The following IL3RA variants were observed in gnomAD, a reference collection of about 807,000 sequenced individuals.
The protein encoded by IL3RA is interleukin-3 receptor subunit alpha.
Under a neutral mutation model 52.3 loss-of-function variants are expected in IL3RA, and 73 were observed. The ratio of observed to expected loss-of-function variants is 1.40; its 90% CI spans 1.16 to 1.70. The LOEUF is 1.70. Among genes scored for constraint, IL3RA ranks in the 40% most tolerant of loss-of-function variants. The pLI is 0.00. For synonymous variants in IL3RA, 260 were observed against 194.0 expected (o/e 1.34, Z -2.83); for missense variants, 664 against 504.4 (o/e 1.32, Z -3.03).
At position 1,381,077 on chromosome X, in the gene IL3RA, C is replaced by T. The variant is rs201211678; in HGVS notation, c.1035C>T (p.Ile345=). 33 of 1,613,856 alleles carry T rather than the reference C, an allele frequency of 2.0e-5. No individual in the cohort carries two copies. The highest frequency in any genetic ancestry group is 1.5e-4 in the African/African-American group (11 of 75,018). The change falls in exon 11 of 12, where the codon ATC becomes ATT. Residue 345 remains isoleucine (I), a synonymous_variant. Coordinates refer to ENST00000331035, the MANE Select transcript of IL3RA (RefSeq NM_002183.4). ...GCATCCCTCACATGAAAGACCCCATCGGTGACAGCTTCCAAAACGACAAGC... is the reference window on the plus strand; with the variant it reads ...GCATCCCTCACATGAAAGACCCCATTGGTGACAGCTTCCAAAACGACAAGC... ...FPRIPHMKDP[I]GDSFQNDKLV...
At chrX:1,381,322 C>G (rs1486720191) in intron 11 of IL3RA, among the ~76,000 whole-genome samples, 1 of 152,014 alleles carries the variant, frequency 6.6e-6, no homozygotes, top group Non-Finnish European at 1.5e-5. Flanking sequence ...CACTTGAACC[C>G]GGGAGGTGGA....
Position 1,381,052 on chromosome X carries a change from G to A in IL3RA, c.1010G>A (p.Arg337His), listed in dbSNP as rs186324790. The change falls in exon 11 of 12, where the codon CGC becomes CAC. Residue 337 changes from arginine (R) to histidine (H), a missense_variant. Transcript: ENST00000331035. ...CTGGTGATGCAGAGACTCTTTCCCC[G>A]CATCCCTCACATGAAAGACCCCATC... The part of the protein sequence containing the change: ...RYLVMQRLFP[R>H]IPHMKDPIGD... 4.5e-4 allele frequency: 719 copies of A among 1,613,770 alleles called. 5 individuals carry two copies. The highest frequency in any genetic ancestry group is 1.2e-4 in the Admixed American group (7 of 59,998).
intron 10 of IL3RA, among the ~76,000 whole-genome samples, chrX:1,379,515 CAGG>C (rs1264085656): frequency 6.6e-6 from 1 of 152,194 alleles, no homozygotes; most frequent in African/African-American, 2.4e-5. Flanking sequence ...TGCCCCCTGC[CAGG>C]AGGTCTGTAG....
chrX:1,358,109 GA>G lies in IL3RA; in HGVS notation c.733-739del, dbSNP rs1300082205. On this transcript the variant is annotated intron_variant, in intron 7 of 11. Transcript: ENST00000331035. ...AACAGAGTGAGACTCCGTCTCAGGA[GA>G]AAAAAAAAAAAAGAAAATAAATACA... Among the ~76,000 whole-genome samples, 801 of 132,928 alleles carry G rather than the reference GA, an allele frequency of 6.0e-3. 7 individuals carry two copies. Among genetic ancestry groups the G allele is most frequent in the African/African-American group, 0.018 (665 of 36,454 alleles). The allele number at this position is 132,928 out of a possible 152,430, so 87.2% of individuals were successfully genotyped here. A position where few individuals can be genotyped will look rare whatever the true frequency, so the allele number is the denominator to read the frequency against.
At chrX:1,364,493 A>C (rs1469724464) in intron 8 of IL3RA, among the ~76,000 whole-genome samples, 1 of 152,094 alleles carries the variant, frequency 6.6e-6, no homozygotes, top group Non-Finnish European at 1.5e-5. Context: ...CTCTGTCTCA[A>C]AACAAAACAA....
At chrX:1,348,728 C>CG (rs2085931847) in intron 4 of IL3RA, among the ~76,000 whole-genome samples, 183 bp downstream of exon 4, 1 of 57,164 alleles carries the variant, frequency 1.7e-5, no homozygotes. Context: ...TTCTTCCTTT[C>CG]TTTTTCTTTC....
At chrX:1,351,609 G>A (rs1477198094) in intron 4 of IL3RA, among the ~76,000 whole-genome samples, 4 of 149,630 alleles carry the variant, frequency 2.7e-5, no homozygotes, top group African/African-American at 4.9e-5. Context: ...GATTACAGGC[G>A]TGAGCCACCA....
chrX:1,377,252 C>T (rs1308376370), intron 9 of IL3RA, among the ~76,000 whole-genome samples: 2 of 151,724 alleles, frequency 1.3e-5, no homozygotes, highest in Non-Finnish European at 2.9e-5. Context: ...TTTTTTTCCT[C>T]TTTTTCTGAG....
intron 9 of IL3RA, 51 bp from the exon 10 acceptor site, chrX:1,378,608 G>A (rs765822970): frequency 6.0e-6 from 9 of 1,493,258 alleles, no homozygotes; most frequent in Non-Finnish European, 6.5e-6. Context: ...ACAGTCCCTG[G>A]TCCCCCCAGG....
At chrX:1,348,776 TTCCC>T (rs1321176078) in intron 4 of IL3RA, among the ~76,000 whole-genome samples, 3 of 148,176 alleles carry the variant, frequency 2.0e-5, no homozygotes, top group African/African-American at 5.0e-5. Context: ...TTCTTTCTCT[TTCCC>T]TCCCTCCCTT....
chrX:1,374,073 A>G, intron 9 of IL3RA, among the ~76,000 whole-genome samples: 1 of 61,610 alleles, frequency 1.6e-5, no homozygotes, highest in Non-Finnish European at 2.6e-5. Context: ...CCTGTGGGAC[A>G]CAGGGAGAAG....
intron 7 of IL3RA, among the ~76,000 whole-genome samples, 165 bp downstream of exon 7, chrX:1,356,501 G>T (rs1317681666): frequency 6.6e-6 from 1 of 152,130 alleles, no homozygotes; most frequent in African/African-American, 2.4e-5. Context: ...CGGGCGCTGT[G>T]GCTCACGCCT....
chrX:1,359,738 ATC>A (rs1220456093), intron 8 of IL3RA, among the ~76,000 whole-genome samples: 11 of 54,618 alleles, frequency 2.0e-4, no homozygotes, highest in Admixed American at 1.3e-3. Context: ...CCCCGTTCCC[ATC>A]TCTCTCTCTG....
intron 1 of IL3RA, 35 bp from the exon 2 acceptor site, chrX:1,341,693 C>T (rs1200923657): frequency 2.4e-5 from 38 of 1,558,082 alleles, no homozygotes; most frequent in Middle Eastern, 2.1e-4. Flanking sequence ...GTTTCACAGC[C>T]AGTCCCCGCT....
At chrX:1,363,247 G>A (rs747437429) in intron 8 of IL3RA, among the ~76,000 whole-genome samples, 24 of 151,690 alleles carry the variant, frequency 1.6e-4, no homozygotes, top group Non-Finnish European at 1.6e-4. Flanking sequence ...AATTTTGGGG[G>A]ATCACAATGC....
At chrX:1,364,890 C>T (rs1370441673) in intron 8 of IL3RA, among the ~76,000 whole-genome samples, 5 of 151,854 alleles carry the variant, frequency 3.3e-5, no homozygotes, top group African/African-American at 7.3e-5. Flanking sequence ...CTCACTGCAA[C>T]CTCCACCTCT....
intron 3 of IL3RA, among the ~76,000 whole-genome samples, chrX:1,346,477 C>G (rs1436846089): frequency 1.3e-5 from 2 of 149,738 alleles, no homozygotes; most frequent in African/African-American, 5.0e-5. Context: ...TGTGGTGGCA[C>G]ATGCCTGTAA....
intron 8 of IL3RA, 53 bp from the exon 9 acceptor site, chrX:1,365,085 A>G (rs1211878335): frequency 7.4e-7 from 1 of 1,347,322 alleles, no homozygotes; most frequent in Non-Finnish European, 1.1e-6. Context: ...CCCAGGTGAG[A>G]GTCATGAGCC....
In IL3RA at chrX:1,362,324, TCTCC is replaced by T. The variant is rs780139925; in HGVS notation, c.760-2811_760-2808del. ...CTCTGTGTCTCTTTGTATCTCCGTC[TCTCC>T]CTGTCTGTTTCTATCTCTGTCTCTC... On this transcript the variant is annotated intron_variant, in intron 8 of 11. Coordinates refer to ENST00000331035, the MANE Select transcript of IL3RA (RefSeq NM_002183.4). 8.4e-4 allele frequency among the ~76,000 whole-genome samples: 128 copies of T among 151,908 alleles called. 1 individual carries two copies. The highest frequency in any genetic ancestry group is 2.9e-3 in the African/African-American group (122 of 41,432).
Sources: gnomAD v4.1 joint callset for allele counts (sites outside exome capture counted in the v4.1 genomes callset) on GRCh38, gnomAD v4.1.1 for gene constraint, MANE v1.5 for transcripts, NCBI Gene and HGNC (gene_info 2026-07-23, HGNC 2026-07-21) for gene names.